Variants in LILRB1 observed in about 807,000 individuals in gnomAD.
LILRB1 encodes the protein leukocyte immunoglobulin-like receptor subfamily B member 1.
In LILRB1, 59 loss-of-function variants were observed where a neutral mutation model predicts 74.6. That is an observed-to-expected ratio of 0.79 (90% CI 0.64 to 0.98). LILRB1 has a LOEUF of 0.98. LILRB1 is among the 50% of genes least tolerant of loss of function. The pLI, the probability that LILRB1 is intolerant of heterozygous loss-of-function variation, is 0.00. For synonymous variants in LILRB1, 328 were observed against 333.9 expected (o/e 0.98, Z 0.19); for missense variants, 804 against 822.6 (o/e 0.98, Z 0.28).
chr19:54,637,976 T>C lies in LILRB1; in HGVS notation c.*1098T>C, dbSNP rs1287846974. On this transcript the variant is annotated 3_prime_UTR_variant, in exon 15 of 15. Transcript: ENST00000324602. ...GTGTGTGTGTGTGTATATATATGTGTGTGTGTGTGAAAAACATTGACTATA... is the reference window on the plus strand; with the variant it reads ...GTGTGTGTGTGTGTATATATATGTGCGTGTGTGTGAAAAACATTGACTATA... Among the ~76,000 whole-genome samples, 1 of 152,250 alleles carries C rather than the reference T, an allele frequency of 6.6e-6. No individual in the cohort carries two copies. The highest frequency in any genetic ancestry group is 1.5e-5 in the Non-Finnish European group (1 of 68,046).
At chr19:54,627,132 T>C (rs1274032124), upstream of LILRB1, among the ~76,000 whole-genome samples, 1 of 152,224 alleles carries the variant, frequency 6.6e-6, no homozygotes, top group African/African-American at 2.4e-5. Flanking sequence ...GTGCCATGGC[T>C]GCTCTGTGGG....
upstream of LILRB1, among the ~76,000 whole-genome samples, chr19:54,626,931 C>G (rs1269285615): frequency 6.6e-6 from 1 of 152,202 alleles, no homozygotes; most frequent in African/African-American, 2.4e-5. Flanking sequence ...CTAGAGATGC[C>G]TGGTCCAGCA....
Position 54,636,759 on chromosome 19 carries a change from G to T in LILRB1, c.1840G>T (p.Val614Leu). 6.2e-7 allele frequency: 1 copy of T among 1,610,546 alleles called. No individual in the cohort carries two copies. Among genetic ancestry groups the T allele is most frequent in the South Asian group, 1.1e-5 (1 of 91,012 alleles). Residue 614 changes from valine (V) to leucine (L), a missense_variant, in exon 15 of 15, where the codon GTG (valine) becomes TTG (leucine). Coordinates refer to ENST00000324602, the MANE Select transcript of LILRB1 (RefSeq NM_001081637.3). Reference protein sequence around the residue: ...EAAASEAPQDVTYAQLHSLTL... With the variant: ...EAAASEAPQDLTYAQLHSLTL... ...TGCTGCATCTGAAGCCCCCCAGGAT[G>T]TGACCTACGCCCAGCTGCACAGCTT...
intron 1 of LILRB1, 194 bp from the exon 2 acceptor site, chr19:54,630,832 G>C: frequency 2.5e-6 from 2 of 810,456 alleles, no homozygotes; most frequent in Non-Finnish European, 4.0e-6. Context: ...CTGGGGGTCA[G>C]GAAAGGGCCC....
chr19:54,631,758 G>T lies in LILRB1; in HGVS notation c.329G>T (p.Ser110Ile). Residue 110 changes from serine (S) to isoleucine (I), a missense_variant, in exon 4 of 15, where the codon AGC (serine) becomes ATC (isoleucine). By Grantham distance (142) the Ser-to-Ile change is moderately radical (BLOSUM62 -2). Coordinates refer to ENST00000324602, the MANE Select transcript of LILRB1 (RefSeq NM_001081637.3). ...YGSDTAGRSE[S>I]SDPLELVVTG... ...AGCGACACTGCAGGCCGCTCAGAGA[G>T]CAGTGACCCCCTGGAGCTGGTGGTG... 3 of 1,613,178 alleles carry T rather than the reference G, an allele frequency of 1.9e-6. No individual in the cohort carries two copies. The highest frequency in any genetic ancestry group is 2.5e-6 in the Non-Finnish European group (3 of 1,180,032).
intron 8 of LILRB1, 42 bp downstream of exon 8, chr19:54,633,730 C>T (rs1290612614): frequency 6.3e-7 from 1 of 1,591,060 alleles, no homozygotes; most frequent in Non-Finnish European, 8.6e-7. Flanking sequence ...GTGCGGCCTC[C>T]CCCAGGGCAG....
chr19:54,621,522 G>T (rs531516095), intron 1 of LILRB1, among the ~76,000 whole-genome samples: 1 of 117,524 alleles, frequency 8.5e-6, no homozygotes, highest in East Asian at 2.2e-4. Flanking sequence ...CCATAAAGTT[G>T]TCTGTGTTTT....
chr19:54,634,424 C>G, intron 9 of LILRB1: 1 of 1,521,306 alleles, frequency 6.6e-7, no homozygotes, highest in Non-Finnish European at 8.9e-7. Context: ...GGGCTTCCTT[C>G]CCAGCTCTGC....
intron 1 of LILRB1, 192 bp downstream of exon 1, chr19:54,630,825 G>C: frequency 1.3e-6 from 1 of 783,912 alleles, no homozygotes; most frequent in Admixed American, 2.2e-5. Context: ...ACGGTGGCTG[G>C]GGGTCAGGAA....
chr19:54,624,195 C>T (rs910991441), intron 1 of LILRB1, among the ~76,000 whole-genome samples: 3 of 152,202 alleles, frequency 2.0e-5, no homozygotes, highest in Admixed American at 1.3e-4. Flanking sequence ...AGTGCAGGCA[C>T]TAGTCCTGAT....
chr19:54,636,090 A>G (rs1367197221), intron 13 of LILRB1: 1 of 555,450 alleles, frequency 1.8e-6, no homozygotes, highest in Admixed American at 2.2e-5. Context: ...TAAGGAACAT[A>G]AACCAGAGAA....
rs367841149 is a variant in LILRB1, at chr19:54,632,142, C to T, written c.566C>T (p.Pro189Leu). Residue 189 changes from proline to leucine, a missense_variant, in exon 5 of 15, where the codon CCG (proline) becomes CTG (leucine). Physicochemically the swap from Pro to Leu is moderately conservative, Grantham distance 98. Transcript: ENST00000324602. ...RAIFSVGPVS[P>L]SRRWWYRCYA... ...ATCTTCTCCGTGGGCCCCGTGAGCC[C>T]GAGTCGCAGGTGGTGGTACAGGTGC... 4.6e-5 allele frequency: 75 copies of T among 1,614,084 alleles called. No homozygotes were observed. The highest frequency in any genetic ancestry group is 6.2e-5 in the Non-Finnish European group (73 of 1,180,032).
intron 9 of LILRB1, chr19:54,634,234 C>G: frequency 1.3e-6 from 2 of 1,497,696 alleles, no homozygotes; most frequent in Non-Finnish European, 1.8e-6. Flanking sequence ...GGAGAGGAGG[C>G]CTCCCAGGGA....
chr19:54,618,110 AAAAAAGAAAAAAAG>A (rs2063359395), intron 1 of LILRB1, among the ~76,000 whole-genome samples: 1 of 146,476 alleles, frequency 6.8e-6, no homozygotes, highest in Non-Finnish European at 1.5e-5. Flanking sequence ...CAAAAAAAAA[AAAAAAGAAAAAAAG>A]AAAAAAAGAA....
At chr19:54,630,096 C>T (rs1029474332), upstream of LILRB1, among the ~76,000 whole-genome samples, 3 of 152,372 alleles carry the variant, frequency 2.0e-5, no homozygotes, top group Admixed American at 6.5e-5. Context: ...ACCGTACAAC[C>T]ACTGTCACGA....
At position 54,631,073 on chromosome 19, in the gene LILRB1, C is replaced by T. The variant is rs766480053; in HGVS notation, c.-1C>T. ...AGAGCAGGGCAGTGGGAGGAGACGC[C>T]ATGACCCCCATCCTCACGGTCCTGA... On this transcript the variant is annotated 5_prime_UTR_variant, in exon 2 of 15. Transcript: ENST00000324602. 3 of 1,614,208 alleles carry T rather than the reference C, an allele frequency of 1.9e-6. No homozygotes were observed. Among genetic ancestry groups the T allele is most frequent in the East Asian group, 4.5e-5 (2 of 44,870 alleles).
At chr19:54,616,382 T>C (rs1044824378), upstream of LILRB1, among the ~76,000 whole-genome samples, 3 of 152,116 alleles carry the variant, frequency 2.0e-5, no homozygotes, top group African/African-American at 7.2e-5. Context: ...AAAAATCTCT[T>C]CTAATATATT....
intron 5 of LILRB1, 87 bp downstream of exon 5, chr19:54,632,324 T>A: frequency 6.4e-7 from 1 of 1,559,726 alleles, no homozygotes; most frequent in Non-Finnish European, 8.7e-7. Flanking sequence ...CCAGGTGGGA[T>A]GATGTTGGGG....
rs112916853 is a variant in LILRB1, at chr19:54,632,100, G to C, written c.524G>C (p.Arg175Pro). ...TGCCTGAACTCCCAGCCCCATGCCC[G>C]TGGGTCGTCCCGCGCCATCTTCTCC... ...PQCLNSQPHA[R>P]GSSRAIFSVG... Residue 175 changes from arginine to proline, a missense_variant, in exon 5 of 15, where the codon CGT (arginine) becomes CCT (proline). By Grantham distance (103) the Arg-to-Pro change is moderately radical. Transcript: ENST00000324602. 2.5e-6 allele frequency: 4 copies of C among 1,614,250 alleles called. No homozygotes were observed. The highest frequency in any genetic ancestry group is 1.6e-4 in the Middle Eastern group (1 of 6,062).
Sources: allele counts gnomAD v4.1 joint callset (sites outside exome capture counted in the v4.1 genomes callset), GRCh38; gene constraint gnomAD v4.1.1; transcripts MANE v1.5; gene names NCBI Gene and HGNC (gene_info 2026-07-23, HGNC 2026-07-21).